EPB41L3: variants seen among roughly 807,000 people sequenced by gnomAD.
EPB41L3 encodes the protein band 4.1-like protein 3.
EPB41L3 carries 57 observed loss-of-function variants against 127.1 expected under a neutral mutation model. The observed-to-expected ratio is 0.45, with a 90% confidence interval of 0.36 to 0.56. The LOEUF is 0.56. Ranked by LOEUF, EPB41L3 falls within the 20% of genes least tolerant of loss-of-function variation. The pLI, the probability that EPB41L3 is intolerant of heterozygous loss-of-function variation, is 0.00. For missense variants in EPB41L3, 1,273 were observed against 1,372.2 expected, an observed-to-expected ratio of 0.93 and a Z score of 1.14; for synonymous variants, 572 against 549.5, an observed-to-expected ratio of 1.04 and a Z score of -0.57.
At chr18:5,500,394 G>A (rs1427137140) in intron 1 of EPB41L3, among the ~76,000 whole-genome samples, 1 of 152,150 alleles carries the variant, frequency 6.6e-6, no homozygotes, top group Admixed American at 6.5e-5. Context: ...AATTAAAACA[G>A]AGTCAGACTC....
At position 5,412,753 on chromosome 18, in the gene EPB41L3, C is replaced by A. The variant is rs558285704; in HGVS notation, c.2068-2134G>T. On this transcript the variant is annotated intron_variant, in intron 13 of 22. Coordinates refer to ENST00000341928, the MANE Select transcript of EPB41L3 (RefSeq NM_012307.5). Reference sequence around the variant, plus strand: ...CTGTTCAAACCTGTGGCACATTGGGCACTTTTCATATTTTAATCTCAGTTT... The same window carrying A: ...CTGTTCAAACCTGTGGCACATTGGGAACTTTTCATATTTTAATCTCAGTTT... Among the ~76,000 whole-genome samples the A allele has an allele frequency of 4.6e-5, 7 of 151,834 alleles. No individual in the cohort carries two copies. The South Asian group carries it at 1.5e-3, about 32-fold the overall frequency.
chr18:5,584,815 A>G (rs1416634975), intron 3 of EPB41L3, among the ~76,000 whole-genome samples: 1 of 152,240 alleles, frequency 6.6e-6, no homozygotes, highest in Admixed American at 6.5e-5. Context: ...AAATTATTTC[A>G]TCTGATTCAA....
chr18:5,398,278 T>C (rs1598431088), intron 16 of EPB41L3, 135 bp from the exon 17 acceptor site: 6 of 1,025,044 alleles, frequency 5.9e-6, no homozygotes, highest in East Asian at 2.4e-5. Flanking sequence ...ATCTCAGAGT[T>C]TGGAAACGAA....
chr18:5,568,105 C>G (rs575176048), intron 3 of EPB41L3, among the ~76,000 whole-genome samples: 7 of 152,026 alleles, frequency 4.6e-5, no homozygotes, highest in Non-Finnish European at 7.4e-5. Flanking sequence ...AAAGTTTGTT[C>G]TTGTGCTTCT....
In EPB41L3 at chr18:5,464,714, C is replaced by T. The variant is rs543126236; in HGVS notation, c.381+13527G>A. Among the ~76,000 whole-genome samples the T allele has an allele frequency of 5.9e-5, 9 of 152,230 alleles. 1 individual carries two copies. Among genetic ancestry groups the T allele is most frequent in the African/African-American group, 1.9e-4 (8 of 41,530 alleles). Reference sequence around the variant, plus strand: ...ATGGAAGGGCAAATATAGAATAACTCGTAATTTTAAAGGTACTTGAAATCA... The same window carrying T: ...ATGGAAGGGCAAATATAGAATAACTTGTAATTTTAAAGGTACTTGAAATCA... On this transcript the variant is annotated intron_variant, in intron 3 of 22. Coordinates refer to ENST00000341928, the MANE Select transcript of EPB41L3 (RefSeq NM_012307.5).
Position 5,406,901 on chromosome 18 carries a change from A to G in EPB41L3, c.2225T>C (p.Phe742Ser), listed in dbSNP as rs1454793235. Residue 742 changes from phenylalanine to serine, a missense_variant, in exon 16 of 23, where the codon TTC (phenylalanine) becomes TCC (serine). Phe to Ser is a radical substitution (Grantham distance 155, BLOSUM62 -2). Around this residue, in one of 3 missense-constraint regions of EPB41L3, gnomAD observed 765 missense variants for 782.9 expected, o/e 0.98. Transcript: ENST00000341928. ...GGCAGTGTCTGTTGAGGTTTCTAAG[A>G]AGGTTCTTTTCAGCTCGCTAATGTT... ...QTNISELKRT[F>S]LETSTDTAVT... 1 of 1,614,124 alleles carries G rather than the reference A, an allele frequency of 6.2e-7. No homozygotes were observed. The highest frequency in any genetic ancestry group is 1.7e-5 in the Admixed American group (1 of 60,014).
intron 1 of EPB41L3, 179 bp from the exon 2 acceptor site, chr18:5,489,373 G>A (rs1475324938): frequency 8.3e-6 from 5 of 600,530 alleles, no homozygotes; most frequent in Admixed American, 4.0e-5. Context: ...TGAGATGGGT[G>A]CCCACCAGGC....
intron 3 of EPB41L3, among the ~76,000 whole-genome samples, chr18:5,568,015 G>T (rs538564034): frequency 4.9e-4 from 74 of 152,088 alleles, no homozygotes; most frequent in Middle Eastern, 3.4e-3. Context: ...TATTACATTA[G>T]GGTAATATTT....
At chr18:5,468,358 C>A (rs1374304620) in intron 3 of EPB41L3, among the ~76,000 whole-genome samples, 1 of 152,204 alleles carries the variant, frequency 6.6e-6, no homozygotes, top group Non-Finnish European at 1.5e-5. Context: ...GTGGGCCAGG[C>A]TCTCAGTTCC....
At chr18:5,537,402 G>A (rs1170478933) in intron 1 of EPB41L3, among the ~76,000 whole-genome samples, 1 of 152,086 alleles carries the variant, frequency 6.6e-6, no homozygotes, top group Non-Finnish European at 1.5e-5. Flanking sequence ...AAGATGGAAT[G>A]AATTGCCAAA....
chr18:5,566,313 C>T (rs2094197504), intron 3 of EPB41L3, among the ~76,000 whole-genome samples: 2 of 152,164 alleles, frequency 1.3e-5, no homozygotes, highest in South Asian at 2.1e-4. Context: ...CATTCTTATA[C>T]ACCAATAACA....
At chr18:5,536,293 T>C (rs927695426) in intron 1 of EPB41L3, among the ~76,000 whole-genome samples, 3 of 151,208 alleles carry the variant, frequency 2.0e-5, no homozygotes, top group African/African-American at 7.3e-5. Context: ...GATGTGTATA[T>C]TAGAAGAGAG....
intron 1 of EPB41L3, among the ~76,000 whole-genome samples, chr18:5,534,149 C>T (rs1341075314): frequency 6.6e-6 from 1 of 151,954 alleles, no homozygotes; most frequent in Non-Finnish European, 1.5e-5. Context: ...GGTGACAGAG[C>T]GAGACTCCGT....
At chr18:5,399,538 A>G (rs2074143514) in intron 16 of EPB41L3, 2 of 396,628 alleles carry the variant, frequency 5.0e-6, no homozygotes, top group African/African-American at 2.1e-5. Context: ...TATGGCTGCA[A>G]TCTCTTCTCC....
chr18:5,558,193 A>G (rs1785390), intron 3 of EPB41L3, among the ~76,000 whole-genome samples: 20,034 of 152,250 alleles, frequency 0.13, 1,363 homozygotes, highest in Middle Eastern at 0.17. Context: ...GCTTATCTGC[A>G]TGGATTTTTA....
rs1294729304 is a variant in EPB41L3 at position 5,541,058 on chromosome 18, C to T, written c.-12+2855G>A. Among the ~76,000 whole-genome samples the T allele has an allele frequency of 5.0e-5, 6 of 120,168 alleles. No individual in the cohort carries two copies. In the Admixed American group the frequency reaches 6.3e-4, roughly 13 times the overall value. The allele number at this position is 120,168 out of a possible 152,430, so 78.8% of individuals were successfully genotyped here. On this transcript the variant is annotated intron_variant, in intron 1 of 22. Transcript: ENST00000341928. ...CGAGATCGCACCACTGCACTCCAGC[C>T]TGGGCGACAGAGCGAGACTCCGTCT...
chr18:5,461,938 C>T (rs1268036780), intron 3 of EPB41L3, among the ~76,000 whole-genome samples: 1 of 152,170 alleles, frequency 6.6e-6, no homozygotes, highest in Non-Finnish European at 1.5e-5. Context: ...TCCTTTGCCT[C>T]TCTGCTGTGC....
At chr18:5,403,336 G>A (rs2074817890) in intron 16 of EPB41L3, among the ~76,000 whole-genome samples, 1 of 151,914 alleles carries the variant, frequency 6.6e-6, no homozygotes, top group African/African-American at 2.4e-5. Flanking sequence ...TGAAACAATC[G>A]GCAATCAAAT....
At chr18:5,421,049 A>G (rs945482746) in intron 11 of EPB41L3, among the ~76,000 whole-genome samples, 5 of 152,206 alleles carry the variant, frequency 3.3e-5, no homozygotes, top group African/African-American at 9.6e-5. Context: ...ATGTTGCAAC[A>G]TGCAGCTGTG....
Sources: gnomAD v4.1 joint callset for allele counts (sites outside exome capture counted in the v4.1 genomes callset) on GRCh38, gnomAD v4.1.1 for gene constraint, gnomAD v4.1.1 regional missense constraint, MANE v1.5 for transcripts, NCBI Gene and HGNC (gene_info 2026-07-23, HGNC 2026-07-21) for gene names.